Variants in PLAA observed in about 807,000 individuals in gnomAD.
PLAA encodes the protein phospholipase A2 activating protein.
Under a neutral mutation model 84.1 loss-of-function variants are expected in PLAA, and 48 were observed. The ratio of observed to expected loss-of-function variants is 0.57; its 90% confidence interval spans 0.45 to 0.73. The LOEUF is 0.73. Among genes scored for constraint, PLAA ranks in the 30% least tolerant of loss-of-function variants. PLAA has a pLI of 0.00. For missense variants in PLAA, 903 were observed against 954.7 expected (o/e 0.95, Z 0.71); for synonymous variants, 392 against 336.6 (o/e 1.16, Z -1.80).
intron 6 of PLAA, among the ~76,000 whole-genome samples, chr9:26,924,442 G>A (rs1334710148): frequency 6.6e-6 from 1 of 151,990 alleles, no homozygotes; most frequent in Non-Finnish European, 1.5e-5. Flanking sequence ...CCTTCTTATT[G>A]CTTTCAATGC....
chr9:26,931,383 A>G (rs957936307), intron 2 of PLAA, among the ~76,000 whole-genome samples: 2 of 152,234 alleles, frequency 1.3e-5, no homozygotes, highest in African/African-American at 2.4e-5. Flanking sequence ...TATTGAATCT[A>G]GGCAATGATT....
chr9:26,928,038 G>GA (rs1271883391), intron 4 of PLAA, 62 bp downstream of exon 4: 50 of 1,521,724 alleles, frequency 3.3e-5, no homozygotes, highest in South Asian at 5.0e-5. Flanking sequence ...AAACTTCTGA[G>GA]AAAAAAAATC....
intron 2 of PLAA, among the ~76,000 whole-genome samples, chr9:26,930,469 G>A (rs1167185930): frequency 6.6e-6 from 1 of 152,128 alleles, no homozygotes; most frequent in Non-Finnish European, 1.5e-5. Context: ...TGTGTGGAGA[G>A]AAAGCCCCAT....
intron 2 of PLAA, among the ~76,000 whole-genome samples, chr9:26,932,128 G>A (rs1235600360): frequency 6.6e-6 from 1 of 152,066 alleles, no homozygotes; most frequent in Non-Finnish European, 1.5e-5. Flanking sequence ...CAAAACAGAT[G>A]TGGACCTTAT....
chr9:26,945,818 C>T (rs138599305), intron 1 of PLAA, among the ~76,000 whole-genome samples: 1 of 152,246 alleles, frequency 6.6e-6, no homozygotes, highest in Non-Finnish European at 1.5e-5. Flanking sequence ...TGCTCTTCCA[C>T]GACCAGCTCC....
chr9:26,946,163 T>C, intron 1 of PLAA, among the ~76,000 whole-genome samples: 1 of 152,180 alleles, frequency 6.6e-6, no homozygotes, highest in African/African-American at 2.4e-5. Flanking sequence ...AATTTTTCTT[T>C]CTCTGAACTG....
chr9:26,921,918 C>T lies in PLAA; in HGVS notation c.1039+1260G>A, dbSNP rs189218667. Among the ~76,000 whole-genome samples, 239 of 152,274 alleles carry T rather than the reference C, an allele frequency of 1.6e-3. 2 individuals carry two copies. The highest frequency in any genetic ancestry group is 9.0e-4 in the Non-Finnish European group (61 of 68,020). ...CATTTTTCCTACATTTCAATTTTCACTCAAACACTTGAATTTTATCTTTGG... is the reference window on the plus strand; with the variant it reads ...CATTTTTCCTACATTTCAATTTTCATTCAAACACTTGAATTTTATCTTTGG... On this transcript the variant is annotated intron_variant, in intron 7 of 13. Transcript: ENST00000397292.
intron 1 of PLAA, among the ~76,000 whole-genome samples, chr9:26,941,593 G>T (rs998196785): frequency 6.6e-6 from 1 of 151,952 alleles, no homozygotes; most frequent in African/African-American, 2.4e-5. Context: ...AACAAATAGA[G>T]ATGAGAAAAA....
intron 4 of PLAA, among the ~76,000 whole-genome samples, chr9:26,926,998 T>C (rs1159103378): frequency 6.6e-6 from 1 of 152,224 alleles, no homozygotes. Flanking sequence ...TCAGTATCTG[T>C]TGACTTAAGA....
chr9:26,907,878 A>G lies in PLAA; in HGVS notation c.1778T>C (p.Val593Ala). The G allele has an allele frequency of 6.2e-7, 1 of 1,611,794 alleles. No individual in the cohort carries two copies. Among genetic ancestry groups the G allele is most frequent in the Non-Finnish European group, 8.5e-7 (1 of 1,179,452 alleles). Residue 593 changes from valine (V) to alanine (A), a missense_variant, in exon 13 of 14, where the codon GTC (valine) becomes GCC (alanine). Coordinates refer to ENST00000397292, the MANE Select transcript of PLAA (RefSeq NM_001031689.3). The stretch of plus-strand genomic sequence containing the variant: ...TTTCCACAAAATCTGAAGTTGCTGG[A>G]CTGTGGGTTTTTCTGAAGAACTATT... Reference protein sequence around the residue: ...ICNSSSEKPTVQQLQILWKAI... With the variant: ...ICNSSSEKPTAQQLQILWKAI...
chr9:26,943,843 C>A (rs904975941), intron 1 of PLAA, among the ~76,000 whole-genome samples: 2 of 151,974 alleles, frequency 1.3e-5, no homozygotes, highest in Non-Finnish European at 2.9e-5. Context: ...GTCCCAGTTA[C>A]TTAAGAGGCT....
intron 1 of PLAA, 108 bp downstream of exon 1, chr9:26,946,789 A>G: frequency 1.6e-6 from 2 of 1,256,072 alleles, no homozygotes; most frequent in Non-Finnish European, 2.1e-6. Context: ...AGCAGAGGGA[A>G]GGCTGGGGGG....
At chr9:26,941,804 A>C (rs1825554080) in intron 1 of PLAA, among the ~76,000 whole-genome samples, 1 of 152,122 alleles carries the variant, frequency 6.6e-6, no homozygotes, top group Non-Finnish European at 1.5e-5. Flanking sequence ...TCAATATCTG[A>C]ATAAAAACAG....
At chr9:26,929,376 CAGTAAG>C (rs141369305) in intron 2 of PLAA, among the ~76,000 whole-genome samples, 6,272 of 151,946 alleles carry the variant, frequency 0.041, 144 homozygotes, top group Middle Eastern at 0.078. Flanking sequence ...CCTGTCGTCC[CAGTAAG>C]AGAATTGCTT....
chr9:26,917,209 C>G, intron 9 of PLAA, 44 bp from the exon 10 acceptor site: 1 of 1,526,168 alleles, frequency 6.6e-7, no homozygotes, highest in African/African-American at 1.4e-5. Context: ...CACCAAAGTT[C>G]TGAATTTTTC....
rs1238602828 is a variant in PLAA at position 26,903,452 on chromosome 9, T to C, written c.*2059A>G. Among the ~76,000 whole-genome samples, 1 of 152,236 alleles carries C rather than the reference T, an allele frequency of 6.6e-6. No individual in the cohort carries two copies. The highest frequency in any genetic ancestry group is 1.5e-5 in the Non-Finnish European group (1 of 68,034). On this transcript the variant is annotated 3_prime_UTR_variant, in exon 14 of 14. Coordinates refer to ENST00000397292, the MANE Select transcript of PLAA (RefSeq NM_001031689.3). ...AAATCAGGTTATCAAAGAGTATGTATGATACAACGCTTTTTTAATAAAATA... is the reference window on the plus strand; with the variant it reads ...AAATCAGGTTATCAAAGAGTATGTACGATACAACGCTTTTTTAATAAAATA...
intron 2 of PLAA, among the ~76,000 whole-genome samples, 167 bp downstream of exon 2, chr9:26,934,846 A>G (rs1480235916): frequency 6.6e-6 from 1 of 152,214 alleles, no homozygotes; most frequent in Non-Finnish European, 1.5e-5. Context: ...ACAAATTTGT[A>G]ACAGAATTTT....
Position 26,926,435 on chromosome 9 carries a change from T to A in PLAA, c.691A>T (p.Thr231Ser). The change falls in exon 5 of 14, where the codon ACA (threonine) becomes TCA (serine). Residue 231 changes from threonine to serine, a missense_variant. Thr to Ser is a moderately conservative substitution (Grantham distance 58, BLOSUM62 1). Coordinates refer to ENST00000397292, the MANE Select transcript of PLAA (RefSeq NM_001031689.3). ...GECLEVYYGHTNYIYSISVFP... is the reference protein window; with the variant it reads ...GECLEVYYGHSNYIYSISVFP... ...ACGGATATGCTATAAATATAATTTG[T>A]ATGTCCATAATATACTTCAAGACAC... The A allele has an allele frequency of 6.2e-7, 1 of 1,609,298 alleles. No individual in the cohort carries two copies. The highest frequency in any genetic ancestry group is 8.5e-7 in the Non-Finnish European group (1 of 1,175,866).
At chr9:26,909,617 C>CTTT (rs367983051) in intron 12 of PLAA, among the ~76,000 whole-genome samples, 2 of 142,332 alleles carry the variant, frequency 1.4e-5, no homozygotes. Context: ...AGATTAATTT[C>CTTT]TTTTTTTTTT....
Sources: allele counts gnomAD v4.1 joint callset (sites outside exome capture counted in the v4.1 genomes callset), GRCh38; gene constraint gnomAD v4.1.1; transcripts MANE v1.5; gene names NCBI Gene and HGNC (gene_info 2026-07-23, HGNC 2026-07-21).